The following KIAA0753 variants were observed in gnomAD, a reference collection of about 807,000 sequenced individuals.
KIAA0753 encodes the protein protein moonraker.
KIAA0753 carries 114 observed loss-of-function variants against 116.9 expected under a neutral mutation model. That is an observed-to-expected ratio of 0.98 (90% CI 0.84 to 1.14). KIAA0753 has a LOEUF of 1.14. Ranked by LOEUF, KIAA0753 falls within the 50% of genes most tolerant of loss-of-function variation. The probability of loss-of-function intolerance (pLI) is 0.00; values close to 1 mark genes in which losing one functional copy is unlikely to be tolerated. For missense variants in KIAA0753, 1,156 were observed against 1,172.4 expected, an observed-to-expected ratio of 0.99 and a Z score of 0.20; for synonymous variants, 405 against 413.1, an observed-to-expected ratio of 0.98 and a Z score of 0.24.
chr17:6,592,730 A>T (rs1969163238), intron 16 of KIAA0753, among the ~76,000 whole-genome samples: 1 of 152,236 alleles, frequency 6.6e-6, no homozygotes, highest in African/African-American at 2.4e-5. Context: ...AGAAAACAAG[A>T]GAATCTCTTC....
At chr17:6,615,564 G>A (rs1970850311) in intron 7 of KIAA0753, among the ~76,000 whole-genome samples, 1 of 125,812 alleles carries the variant, frequency 7.9e-6, no homozygotes, top group Non-Finnish European at 1.6e-5. Context: ...GCAGTGAGCT[G>A]AGATCATGCC....
chr17:6,609,991 T>C lies in KIAA0753; in HGVS notation c.1712+3A>G, dbSNP rs1567561804. The C allele has an allele frequency of 2.5e-6, 4 of 1,613,824 alleles. No individual in the cohort carries two copies. The highest frequency in any genetic ancestry group is 3.4e-6 in the Non-Finnish European group (4 of 1,179,824). On this transcript the variant is annotated splice_donor_region_variant and intron_variant, in intron 9 of 18. Coordinates refer to ENST00000361413, the MANE Select transcript of KIAA0753 (RefSeq NM_014804.3). Reference sequence around the variant, plus strand: ...ACAAACGGTCCCTTGAGTTTTCACATACCATTTAGGAGACGCTGGTGGGGA... The same window carrying C: ...ACAAACGGTCCCTTGAGTTTTCACACACCATTTAGGAGACGCTGGTGGGGA...
At chr17:6,588,993 TC>T (rs1280615047) in intron 18 of KIAA0753, among the ~76,000 whole-genome samples, 7 of 152,134 alleles carry the variant, frequency 4.6e-5, no homozygotes, top group African/African-American at 1.7e-4. Context: ...CATGGCTGTT[TC>T]CTGCCCAGGA....
chr17:6,614,931 C>T (rs577664752), intron 7 of KIAA0753, among the ~76,000 whole-genome samples: 114 of 152,156 alleles, frequency 7.5e-4, no homozygotes, highest in Non-Finnish European at 8.1e-4. Context: ...CCTGAGCAGC[C>T]GGGATTACAG....
chr17:6,629,201 A>T (rs1367376193), intron 2 of KIAA0753, among the ~76,000 whole-genome samples: 1 of 152,174 alleles, frequency 6.6e-6, no homozygotes, highest in African/African-American at 2.4e-5. Flanking sequence ...TGGTGGCTGG[A>T]TCCATCTTTT....
intron 8 of KIAA0753, among the ~76,000 whole-genome samples, chr17:6,611,095 G>C (rs952532245): frequency 6.6e-6 from 1 of 152,124 alleles, no homozygotes; most frequent in African/African-American, 2.4e-5. Flanking sequence ...ATACAATAAG[G>C]GTATTCGACC....
intron 10 of KIAA0753, 43 bp from the exon 11 acceptor site, chr17:6,607,313 C>T (rs750554847): frequency 8.7e-6 from 13 of 1,492,412 alleles, no homozygotes; most frequent in African/African-American, 4.1e-5. Flanking sequence ...TGCCTCGACA[C>T]TGCAGGGTGT....
intron 12 of KIAA0753, among the ~76,000 whole-genome samples, chr17:6,605,294 T>A (rs79669882): frequency 6.6e-6 from 1 of 152,096 alleles, no homozygotes; most frequent in Non-Finnish European, 1.5e-5. Context: ...ATCCCCACAG[T>A]AGCTGACCAG....
chr17:6,627,883 G>T (rs1027939554), intron 3 of KIAA0753, among the ~76,000 whole-genome samples: 1 of 152,152 alleles, frequency 6.6e-6, no homozygotes, highest in African/African-American at 2.4e-5. Context: ...CATTTGAAGG[G>T]CAGCCACAGT....
At position 6,586,971 on chromosome 17, in the gene KIAA0753, A is replaced by G. The variant is rs970394048; in HGVS notation, c.2786+2808T>C. ...ACTAAAAAAGAAGAGATAGTGGCTC[A>G]TGCCTGTAATCCCAGCACTTTGAGA... On this transcript the variant is annotated intron_variant, in intron 18 of 18. Coordinates refer to ENST00000361413, the MANE Select transcript of KIAA0753 (RefSeq NM_014804.3). Among the ~76,000 whole-genome samples the G allele has an allele frequency of 5.3e-5, 8 of 152,340 alleles. No homozygotes were observed. In the South Asian group the frequency reaches 1.4e-3, roughly 28 times the overall value.
intron 10 of KIAA0753, 86 bp downstream of exon 10, chr17:6,608,262 T>C (rs891969641): frequency 2.2e-5 from 12 of 535,744 alleles, no homozygotes; most frequent in African/African-American, 9.7e-5. Flanking sequence ...ACTTTAAATG[T>C]AGGAAAGAGA....
chr17:6,610,087 G>A lies in KIAA0753; in HGVS notation c.1619C>T (p.Ser540Leu). ...CTGCCGGTTCATTTTTAATCTGGATGAAACTGTTGTCTGCTGCACTCTGCT... is the reference window on the plus strand; with the variant it reads ...CTGCCGGTTCATTTTTAATCTGGATAAAACTGTTGTCTGCTGCACTCTGCT... ...SKSRVQQTTV[S>L]SRLKMNRQPV... The change falls in exon 9 of 19, where the codon TCA becomes TTA. Residue 540 changes from serine (S) to leucine (L), a missense_variant. Ser to Leu is a moderately radical substitution (Grantham distance 145). Coordinates refer to ENST00000361413, the MANE Select transcript of KIAA0753 (RefSeq NM_014804.3). 6.2e-7 allele frequency: 1 copy of A among 1,614,138 alleles called. No homozygotes were observed. The highest frequency in any genetic ancestry group is 1.7e-5 in the Admixed American group (1 of 60,004).
intron 17 of KIAA0753, 107 bp downstream of exon 17, chr17:6,590,403 C>A (rs981378812): frequency 7.2e-7 from 1 of 1,383,504 alleles, no homozygotes; most frequent in Non-Finnish European, 1.0e-6. Flanking sequence ...AGATCTTGCT[C>A]AAAGGAAGAA....
At chr17:6,599,511 C>G (rs1174131430) in intron 13 of KIAA0753, among the ~76,000 whole-genome samples, 191 bp from the exon 14 acceptor site, 1 of 151,962 alleles carries the variant, frequency 6.6e-6, no homozygotes, top group East Asian at 1.9e-4. Context: ...GGCTTTCCAG[C>G]CTTTTTCTTC....
At chr17:6,617,393 T>C (rs1971002512) in intron 7 of KIAA0753, among the ~76,000 whole-genome samples, 1 of 152,184 alleles carries the variant, frequency 6.6e-6, no homozygotes. Context: ...GAACATCCCA[T>C]TAAAGTGAAT....
At chr17:6,596,874 C>T (rs1463320052) in intron 14 of KIAA0753, among the ~76,000 whole-genome samples, 3 of 152,178 alleles carry the variant, frequency 2.0e-5, no homozygotes, top group African/African-American at 7.2e-5. Flanking sequence ...TTCCAGTTTC[C>T]AAAGCAATTT....
intron 2 of KIAA0753, among the ~76,000 whole-genome samples, chr17:6,629,889 G>A (rs9909670): frequency 0.69 from 105,737 of 152,180 alleles, 37,637 homozygotes; most frequent in African/African-American, 0.87. Context: ...ACTGATGAAC[G>A]GTGTTTGTCA....
In KIAA0753 at chr17:6,590,527, T is replaced by C; in HGVS notation, c.2544A>G (p.Glu848=). ...CCACTTACTTGCCATTACAGGGCCT[T>C]TCTAACATGATGTTCACGGCTGGAT... ...RKDPAVNIML[E]RPCNGNSLDE... Residue 848 remains glutamate (E), a synonymous_variant, in exon 17 of 19, where the codon GAA becomes GAG. Transcript: ENST00000361413. 6.2e-7 allele frequency: 1 copy of C among 1,614,078 alleles called. No individual in the cohort carries two copies. Among genetic ancestry groups the C allele is most frequent in the East Asian group, 2.2e-5 (1 of 44,884 alleles).
chr17:6,591,012 A>AGAAGGAAGAAGGAAGAAGGAAGAAG (rs139880428), intron 16 of KIAA0753, among the ~76,000 whole-genome samples: 6 of 84,680 alleles, frequency 7.1e-5, no homozygotes, highest in East Asian at 7.3e-4. Context: ...AGAAGAAGGA[A>AGAAGGAAGAAGGAAGAAGGAAGAAG]GAAGAAGGAA....
Sources: gnomAD v4.1 joint callset for allele counts (sites outside exome capture counted in the v4.1 genomes callset) on GRCh38, gnomAD v4.1.1 for gene constraint, MANE v1.5 for transcripts, NCBI Gene and HGNC (gene_info 2026-07-23, HGNC 2026-07-21) for gene names.